Variants in RGS9 observed in about 807,000 individuals in gnomAD.
The protein encoded by RGS9 is regulator of G protein signaling 9.
In RGS9, 78 loss-of-function variants were observed where a neutral mutation model predicts 102.0. The observed-to-expected ratio is 0.76, with a 90% CI of 0.64 to 0.92. The LOEUF is 0.92. Ranked by LOEUF, RGS9 falls within the 40% of genes least tolerant of loss-of-function variation. RGS9 has a pLI of 0.00. For missense variants in RGS9, 833 were observed against 866.1 expected, an observed-to-expected ratio of 0.96 and a Z score of 0.48; for synonymous variants, 353 against 318.6, an observed-to-expected ratio of 1.11 and a Z score of -1.15.
intron 9 of RGS9, among the ~76,000 whole-genome samples, chr17:65,180,431 C>G (rs574457032): frequency 6.6e-6 from 1 of 152,140 alleles, no homozygotes; most frequent in African/African-American, 2.4e-5. Context: ...TCACTGCAAC[C>G]TCCGCCTTCC....
intron 1 of RGS9, among the ~76,000 whole-genome samples, chr17:65,145,552 T>G (rs992197348): frequency 8.2e-6 from 1 of 122,008 alleles, no homozygotes; most frequent in African/African-American, 4.2e-5. Context: ...TCCTGGCTAT[T>G]TTTTTTTTTT....
chr17:65,182,462 A>G (rs936969309), intron 9 of RGS9, among the ~76,000 whole-genome samples: 1 of 152,214 alleles, frequency 6.6e-6, no homozygotes, highest in Non-Finnish European at 1.5e-5. Context: ...GGCTCCCCCA[A>G]GGACACACAG....
intron 3 of RGS9, among the ~76,000 whole-genome samples, chr17:65,159,942 G>A (rs552355980): frequency 4.6e-5 from 7 of 152,184 alleles, no homozygotes; most frequent in African/African-American, 1.2e-4. Context: ...ACCATCACCC[G>A]CTGCAGCAGA....
chr17:65,223,022 T>C (rs924169373), intron 17 of RGS9, among the ~76,000 whole-genome samples: 3 of 152,152 alleles, frequency 2.0e-5, no homozygotes, highest in Non-Finnish European at 2.9e-5. Context: ...CCTGGAGGAA[T>C]GGCTGGACTT....
At chr17:65,171,814 G>C (rs1342539926) in intron 8 of RGS9, among the ~76,000 whole-genome samples, 1 of 152,212 alleles carries the variant, frequency 6.6e-6, no homozygotes, top group Non-Finnish European at 1.5e-5. Context: ...GTACAGATCT[G>C]AGCACGATGC....
chr17:65,147,226 A>G, intron 1 of RGS9, among the ~76,000 whole-genome samples: 1 of 152,200 alleles, frequency 6.6e-6, no homozygotes, highest in East Asian at 1.9e-4. Flanking sequence ...TGAGCCGAGA[A>G]TGTGTCCGTG....
intron 2 of RGS9, among the ~76,000 whole-genome samples, chr17:65,157,830 C>G (rs900777044): frequency 1.3e-5 from 2 of 152,146 alleles, no homozygotes; most frequent in African/African-American, 4.8e-5. Flanking sequence ...CTGTCCTCTT[C>G]TCATCCCTGT....
intron 18 of RGS9, chr17:65,225,696 T>C (rs987710894): frequency 1.8e-5 from 11 of 627,062 alleles, no homozygotes; most frequent in South Asian, 1.7e-4. Flanking sequence ...ACAGGTGTCC[T>C]TCTTTTTCAT....
chr17:65,177,938 G>A, intron 9 of RGS9, 135 bp downstream of exon 9: 1 of 763,094 alleles, frequency 1.3e-6, no homozygotes, highest in Non-Finnish European at 2.3e-6. Context: ...AGGACCGTGG[G>A]CTCTGTGGAC....
intron 12 of RGS9, among the ~76,000 whole-genome samples, chr17:65,194,210 T>C (rs73994746): frequency 0.23 from 35,393 of 152,140 alleles, 6,450 homozygotes; most frequent in African/African-American, 0.47. Flanking sequence ...GGTTTACGAA[T>C]CTTGTAGCAT....
chr17:65,158,241 C>A, intron 2 of RGS9, 54 bp from the exon 3 acceptor site: 1 of 1,534,020 alleles, frequency 6.5e-7, no homozygotes, highest in South Asian at 1.1e-5. Context: ...CGTGGAGGAG[C>A]GGGGATGTGT....
At chr17:65,164,751 A>G (rs1306397773) in intron 7 of RGS9, among the ~76,000 whole-genome samples, 1 of 152,156 alleles carries the variant, frequency 6.6e-6, no homozygotes, top group African/African-American at 2.4e-5. Flanking sequence ...TTAGCCACAA[A>G]CATGTTTCTA....
intron 15 of RGS9, among the ~76,000 whole-genome samples, chr17:65,206,899 C>A (rs748885795): frequency 5.9e-5 from 9 of 152,202 alleles, no homozygotes; most frequent in Non-Finnish European, 1.2e-4. Flanking sequence ...TTCCTAGACT[C>A]TATCCTAGTT....
chr17:65,147,223 A>C (rs934970640), intron 1 of RGS9, among the ~76,000 whole-genome samples: 6 of 152,192 alleles, frequency 3.9e-5, no homozygotes, highest in Non-Finnish European at 8.8e-5. Flanking sequence ...CTGTGAGCCG[A>C]GAATGTGTCC....
intron 8 of RGS9, among the ~76,000 whole-genome samples, chr17:65,169,709 T>C (rs918505832): frequency 6.6e-6 from 1 of 152,168 alleles, no homozygotes; most frequent in Non-Finnish European, 1.5e-5. Flanking sequence ...TCCGGGTTCT[T>C]CTCAGTTCTT....
chr17:65,222,263 A>G (rs1019617745), intron 17 of RGS9, among the ~76,000 whole-genome samples: 1 of 152,148 alleles, frequency 6.6e-6, no homozygotes, highest in Non-Finnish European at 1.5e-5. Context: ...CAAGCTTCCG[A>G]TCTCTCTGCC....
intron 13 of RGS9, among the ~76,000 whole-genome samples, chr17:65,198,769 C>G (rs1009678376): frequency 1.3e-5 from 2 of 152,258 alleles, no homozygotes; most frequent in Non-Finnish European, 2.9e-5. Context: ...GTCTGTGGCA[C>G]TGCTCCAGAA....
chr17:65,174,840 A>G (rs1457726427), intron 8 of RGS9, among the ~76,000 whole-genome samples: 1 of 152,164 alleles, frequency 6.6e-6, no homozygotes, highest in African/African-American at 2.4e-5. Flanking sequence ...ATCATGGCGG[A>G]ACGGGAAAAG....
At chr17:65,194,631 T>G (rs1912514143) in intron 12 of RGS9, among the ~76,000 whole-genome samples, 1 of 152,030 alleles carries the variant, frequency 6.6e-6, no homozygotes, top group Non-Finnish European at 1.5e-5. Flanking sequence ...TGCACGCTTG[T>G]GTTATTTGGA....
Sources: allele counts gnomAD v4.1 joint callset (sites outside exome capture counted in the v4.1 genomes callset), GRCh38; gene constraint gnomAD v4.1.1; transcripts MANE v1.5; gene names NCBI Gene and HGNC (gene_info 2026-07-23, HGNC 2026-07-21).